The following ASPSCR1 variants were observed in gnomAD, a reference collection of about 807,000 sequenced individuals.
The protein encoded by ASPSCR1 is ASPSCR1 tether for SLC2A4, UBX domain containing, also known as tether containing UBX domain for GLUT4.
ASPSCR1 carries 55 observed loss-of-function variants against 68.9 expected under a neutral mutation model. That is an observed-to-expected ratio of 0.80 (90% CI 0.64 to 1.00). ASPSCR1 has a LOEUF of 1.00. Ranked by LOEUF, ASPSCR1 falls within the 50% of genes least tolerant of loss-of-function variation. The pLI is 0.00. For missense variants in ASPSCR1, 765 were observed against 762.2 expected, an observed-to-expected ratio of 1.00 and a Z score of -0.04; for synonymous variants, 352 against 332.6, an observed-to-expected ratio of 1.06 and a Z score of -0.63.
chr17:81,984,579 CAA>C (rs55733420), intron 3 of ASPSCR1, among the ~76,000 whole-genome samples: 19 of 118,996 alleles, frequency 1.6e-4, no homozygotes, highest in Admixed American at 2.6e-4. Flanking sequence ...GACTTTGTCT[CAA>C]AAAAAAAAAA....
intron 3 of ASPSCR1, 146 bp from the exon 4 acceptor site, chr17:81,985,361 G>A: frequency 1.3e-6 from 1 of 750,126 alleles, no homozygotes; most frequent in South Asian, 1.7e-5. Flanking sequence ...GTGAATAGGA[G>A]GGTAGCCTTC....
chr17:81,998,807 C>T lies in ASPSCR1; in HGVS notation c.933+1961C>T, dbSNP rs188805505. ...TCTTTTCTGGGTTCTGGAAGTTCTC[C>T]GAAGGTTATGGCCACTGCTCACTGC... On this transcript the variant is annotated intron_variant, in intron 7 of 15. Coordinates refer to ENST00000306739, the MANE Select transcript of ASPSCR1 (RefSeq NM_024083.4). 1.8e-4 allele frequency among the ~76,000 whole-genome samples: 27 copies of T among 152,312 alleles called. No individual in the cohort carries two copies. The East Asian group carries it at 3.9e-3, about 22-fold the overall frequency.
At chr17:81,980,379 C>G (rs2041758067) in intron 2 of ASPSCR1, among the ~76,000 whole-genome samples, 1 of 152,236 alleles carries the variant, frequency 6.6e-6, no homozygotes, top group Non-Finnish European at 1.5e-5. Flanking sequence ...CGAGGCTCTC[C>G]TGGGAGGAGT....
chr17:82,015,299 G>A (rs762029802), intron 12 of ASPSCR1: 32 of 1,598,042 alleles, frequency 2.0e-5, no homozygotes, highest in East Asian at 1.6e-4. Context: ...CCCCTCGTCC[G>A]AGCAGTGGCG....
rs1300405225 is a variant in ASPSCR1 at position 81,996,055 on chromosome 17, G to A, written c.496G>A (p.Ala166Thr). 5.6e-6 allele frequency: 9 copies of A among 1,608,310 alleles called. No individual in the cohort carries two copies. The highest frequency in any genetic ancestry group is 4.0e-5 in the African/African-American group (3 of 74,850). The change falls in exon 6 of 16, where the codon GCC (alanine) becomes ACC (threonine). Residue 166 changes from alanine (A) to threonine (T), a missense_variant. Coordinates refer to ENST00000306739, the MANE Select transcript of ASPSCR1 (RefSeq NM_024083.4). ...GTCGCTGGGCCTGACCGGGGGCAGC[G>A]CCACCATCAGGTAAGGGCAGTGCTG... ...LQSLGLTGGS[A>T]TIRFVMKCYD...
intron 4 of ASPSCR1, among the ~76,000 whole-genome samples, chr17:81,989,519 G>A (rs149725769): frequency 5.1e-4 from 77 of 152,300 alleles, no homozygotes; most frequent in African/African-American, 1.7e-3. Context: ...CATGTGTTTC[G>A]GAGGAGGTCT....
intron 4 of ASPSCR1, among the ~76,000 whole-genome samples, chr17:81,993,236 C>T (rs540824834): frequency 1.5e-3 from 228 of 152,128 alleles, no homozygotes; most frequent in African/African-American, 5.3e-3. Flanking sequence ...GTGTTTGAGA[C>T]GGAGTCTCGC....
intron 4 of ASPSCR1, among the ~76,000 whole-genome samples, chr17:81,989,746 G>A (rs1169131175): frequency 6.6e-6 from 1 of 152,218 alleles, no homozygotes; most frequent in Non-Finnish European, 1.5e-5. Flanking sequence ...GGCCCGACCA[G>A]CGTCTCAAGC....
chr17:82,005,747 T>C (rs1318324262), intron 7 of ASPSCR1: 1 of 152,266 alleles, frequency 6.6e-6, no homozygotes, highest in Non-Finnish European at 1.5e-5. Flanking sequence ...GCACAGAGAA[T>C]TGGGGGCCAG....
intron 12 of ASPSCR1, 24 bp downstream of exon 12, chr17:82,012,307 G>T (rs1427406175): frequency 6.2e-6 from 10 of 1,611,146 alleles, no homozygotes; most frequent in Non-Finnish European, 8.5e-6. Context: ...TCCCTGGGGT[G>T]CTGCGGGGCG....
Position 81,983,670 on chromosome 17 carries a change from T to C in ASPSCR1, c.273+2T>C. On this transcript the variant is annotated splice_donor_variant, in intron 3 of 15. Transcript: ENST00000306739. LOFTEE classifies it high-confidence loss of function. This position sits in a 1 kb window ranked among gnomAD's most constrained non-coding sequence, Gnocchi z 4.4. ...AGCCGTGAGGGGCCTGAGAACATGGTGGGTCGTGCTCTGGGGGAGGCTGAC... is the reference window on the plus strand; with the variant it reads ...AGCCGTGAGGGGCCTGAGAACATGGCGGGTCGTGCTCTGGGGGAGGCTGAC... 1 of 1,603,598 alleles carries C rather than the reference T, an allele frequency of 6.2e-7. No individual in the cohort carries two copies. The highest frequency in any genetic ancestry group is 8.5e-7 in the Non-Finnish European group (1 of 1,175,058).
chr17:81,979,671 C>T (rs886446905), intron 2 of ASPSCR1, among the ~76,000 whole-genome samples: 1 of 152,088 alleles, frequency 6.6e-6, no homozygotes, highest in Non-Finnish European at 1.5e-5. Context: ...TTTGGGGGGG[C>T]CACCATTCAA....
At chr17:82,002,153 C>G (rs1490263044) in intron 7 of ASPSCR1, among the ~76,000 whole-genome samples, 3 of 150,434 alleles carry the variant, frequency 2.0e-5, no homozygotes, top group African/African-American at 4.9e-5. Context: ...TGCACCTGGC[C>G]TCTTTTCATC....
chr17:81,996,551 G>A lies in ASPSCR1; in HGVS notation c.638G>A (p.Ser213Asn), dbSNP rs1471322715. Reference protein sequence around the residue: ...ESGELSRGDLSRPEDADTSGP... With the variant: ...ESGELSRGDLNRPEDADTSGP... The stretch of plus-strand genomic sequence containing the variant: ...GGGGAGCTCAGCCGCGGCGACTTGA[G>A]CCGTCCGGAGGACGCGGACACCTCA... Residue 213 changes from serine (S) to asparagine (N), a missense_variant, in exon 7 of 16, where the codon AGC becomes AAC. Transcript: ENST00000306739. 3 of 1,612,904 alleles carry A rather than the reference G, an allele frequency of 1.9e-6. No homozygotes were observed. Among genetic ancestry groups the A allele is most frequent in the African/African-American group, 2.7e-5 (2 of 75,044 alleles).
At chr17:81,985,418 C>G in intron 3 of ASPSCR1, 89 bp from the exon 4 acceptor site, 1 of 1,396,830 alleles carries the variant, frequency 7.2e-7, no homozygotes, top group Non-Finnish European at 1.0e-6. Flanking sequence ...GGGCAGTCAC[C>G]CTCTCTGTGT....
Position 82,017,132 on chromosome 17 carries a change from A to T in ASPSCR1, c.1648+19A>T. ...CTGCCGGGTACTGCGGCTGGGTGGA[A>T]GGTGGGGTGCTGTGGCCGGGTGGAG... On this transcript the variant is annotated intron_variant, in intron 15 of 15. Transcript: ENST00000306739. The T allele has an allele frequency of 6.3e-7, 1 of 1,575,282 alleles. No homozygotes were observed. The highest frequency in any genetic ancestry group is 1.1e-5 in the South Asian group (1 of 89,148).
At chr17:82,000,456 G>A (rs371452816) in intron 7 of ASPSCR1, among the ~76,000 whole-genome samples, 4 of 152,134 alleles carry the variant, frequency 2.6e-5, no homozygotes, top group South Asian at 4.1e-4. Context: ...TCCCATCGCC[G>A]CCAGCCGCAC....
In ASPSCR1 at chr17:81,987,384, A is replaced by G. The variant is rs1384158655; in HGVS notation, c.374+1777A>G. 6.6e-6 allele frequency among the ~76,000 whole-genome samples: 1 copy of G among 152,164 alleles called. No homozygotes were observed. The highest frequency in any genetic ancestry group is 6.5e-5 in the Admixed American group (1 of 15,282). On this transcript the variant is annotated intron_variant, in intron 4 of 15. Transcript: ENST00000306739. The surrounding 1 kb of genome is among the most constrained non-coding windows in gnomAD (Gnocchi z 5.6). ...GTGGCAGAGGGCAAGAAGAAAACCAAACAGCGCGGGGAACAGAAGTCAGGA... is the reference window on the plus strand; with the variant it reads ...GTGGCAGAGGGCAAGAAGAAAACCAGACAGCGCGGGGAACAGAAGTCAGGA...
intron 9 of ASPSCR1, 103 bp downstream of exon 9, chr17:82,009,670 C>A: frequency 6.9e-6 from 6 of 872,600 alleles, no homozygotes; most frequent in Non-Finnish European, 8.6e-6. Context: ...TCTGAGCGGG[C>A]CCCCTGTGAG....
Sources: gnomAD v4.1 joint callset for allele counts (sites outside exome capture counted in the v4.1 genomes callset) on GRCh38, gnomAD v4.1.1 for gene constraint, Gnocchi (gnomAD v3.1) non-coding constraint, MANE v1.5 for transcripts, NCBI Gene and HGNC (gene_info 2026-07-23, HGNC 2026-07-21) for gene names.